SLC30A8: variants seen among roughly 807,000 people sequenced by gnomAD.
The protein encoded by SLC30A8 is solute carrier family 30 member 8.
A neutral mutation model predicts 36.9 loss-of-function variants in SLC30A8; 27 were observed. That is an observed-to-expected ratio of 0.73 (90% CI 0.54 to 1.01). The LOEUF (loss-of-function observed/expected upper bound fraction) is 1.01. Ranked by LOEUF, SLC30A8 falls within the 50% of genes least tolerant of loss-of-function variation. SLC30A8 has a pLI of 0.00. For synonymous variants in SLC30A8, 164 were observed against 172.4 expected (o/e 0.95, Z 0.38); for missense variants, 439 against 452.0 (o/e 0.97, Z 0.26).
intron 1 of SLC30A8, among the ~76,000 whole-genome samples, chr8:117,142,980 G>A (rs1011009730): frequency 6.6e-6 from 1 of 152,106 alleles, no homozygotes; most frequent in Non-Finnish European, 1.5e-5. Flanking sequence ...TCATGGTGAG[G>A]CTGAAGCTTT....
chr8:117,025,547 A>G lies in SLC30A8; in HGVS notation c.-265-13672A>G, dbSNP rs1243406608. Among the ~76,000 whole-genome samples the G allele has an allele frequency of 3.9e-5, 6 of 152,212 alleles. No individual in the cohort carries two copies. The South Asian group carries it at 6.2e-4, about 16-fold the overall frequency. Reference sequence around the variant, plus strand: ...AACTCCTAGTGAGTTAGGGACAATGACAGCGCTATTCTCCCTCCAGACAGC... The same window carrying G: ...AACTCCTAGTGAGTTAGGGACAATGGCAGCGCTATTCTCCCTCCAGACAGC... On this transcript the variant is annotated intron_variant, in intron 1 of 10. Coordinates refer to the SLC30A8 transcript ENST00000427715.
intron 1 of SLC30A8, among the ~76,000 whole-genome samples, chr8:117,038,191 G>T (rs1284907223): frequency 1.3e-5 from 2 of 152,104 alleles, no homozygotes; most frequent in African/African-American, 4.8e-5. Context: ...AATGATACAA[G>T]AAAGTTTACA....
At chr8:117,111,659 T>C (rs1820233328) in intron 2 of SLC30A8, among the ~76,000 whole-genome samples, 1 of 152,116 alleles carries the variant, frequency 6.6e-6, no homozygotes, top group Non-Finnish European at 1.5e-5. Context: ...AGGCACTGTC[T>C]TTCCACTGGC....
intron 2 of SLC30A8, among the ~76,000 whole-genome samples, chr8:117,127,286 C>T (rs1034314487): frequency 6.6e-6 from 1 of 152,060 alleles, no homozygotes; most frequent in Non-Finnish European, 1.5e-5. Context: ...TTTCACATTA[C>T]TTAATGTTTT....
At chr8:116,997,056 T>A (rs1815845718) in intron 1 of SLC30A8, among the ~76,000 whole-genome samples, 1 of 151,862 alleles carries the variant, frequency 6.6e-6, no homozygotes, top group African/African-American at 2.4e-5. Context: ...AAAGACAATA[T>A]GTGTAGTGTT....
Position 117,105,992 on chromosome 8 carries a change from C to T in SLC30A8, c.-225-29288C>T, listed in dbSNP as rs1819977010. Among the ~76,000 whole-genome samples the T allele has an allele frequency of 2.0e-5, 3 of 152,262 alleles. No individual in the cohort carries two copies. In the South Asian group the frequency reaches 6.2e-4, roughly 32 times the overall value. ...GTTTCTTTTCATTTTCAATGTACAT[C>T]ATACTTTGTCAGACTTTTTTTTCAG... On this transcript the variant is annotated intron_variant, in intron 2 of 10. Coordinates refer to the SLC30A8 transcript ENST00000427715.
intron 1 of SLC30A8, among the ~76,000 whole-genome samples, chr8:117,138,340 ATTAT>A (rs1821467652): frequency 2.6e-5 from 4 of 152,026 alleles, no homozygotes; most frequent in Admixed American, 2.6e-4. Flanking sequence ...AAAATTAATA[ATTAT>A]TTATTCAAGA....
chr8:117,027,838 C>T (rs1169663329), intron 1 of SLC30A8, among the ~76,000 whole-genome samples: 1 of 152,156 alleles, frequency 6.6e-6, no homozygotes, highest in Non-Finnish European at 1.5e-5. Flanking sequence ...AAAGGAGGGT[C>T]TTTGGAGTTA....
intron 2 of SLC30A8, among the ~76,000 whole-genome samples, chr8:117,047,772 G>GGA (rs1200765779): frequency 6.6e-6 from 1 of 152,170 alleles, no homozygotes; most frequent in Non-Finnish European, 1.5e-5. Context: ...CTAAGTCACA[G>GGA]GATGAGACAG....
At chr8:117,012,008 G>C (rs1347773006) in intron 1 of SLC30A8, among the ~76,000 whole-genome samples, 1 of 152,100 alleles carries the variant, frequency 6.6e-6, no homozygotes. Flanking sequence ...CTTGAGGATA[G>C]AAATTTTGTG....
At chr8:116,951,806 G>A (rs1052554124) in intron 1 of SLC30A8, among the ~76,000 whole-genome samples, 17 of 152,004 alleles carry the variant, frequency 1.1e-4, no homozygotes, top group African/African-American at 4.1e-4. Flanking sequence ...TATGTGTTGA[G>A]CATCAGTTTT....
intron 2 of SLC30A8, chr8:117,147,559 G>T: frequency 6.0e-6 from 1 of 167,568 alleles, no homozygotes; most frequent in Non-Finnish European, 1.3e-5. Flanking sequence ...GAAATTTAGG[G>T]AGTTTTTTCC....
At chr8:117,032,344 T>C (rs1817081188) in intron 1 of SLC30A8, among the ~76,000 whole-genome samples, 1 of 152,206 alleles carries the variant, frequency 6.6e-6, no homozygotes, top group South Asian at 2.1e-4. Flanking sequence ...CAGTTCACCA[T>C]GCTAGGCACA....
chr8:116,956,744 T>C (rs1814220524), intron 1 of SLC30A8, among the ~76,000 whole-genome samples: 1 of 152,236 alleles, frequency 6.6e-6, no homozygotes, highest in African/African-American at 2.4e-5. Flanking sequence ...GAGTTCTATT[T>C]TGAAACTTGA....
At chr8:117,142,216 C>T (rs1821686376) in intron 1 of SLC30A8, among the ~76,000 whole-genome samples, 1 of 152,110 alleles carries the variant, frequency 6.6e-6, no homozygotes, top group South Asian at 2.1e-4. Flanking sequence ...ATTAGCAAGT[C>T]CTATTGACTC....
intron 1 of SLC30A8, among the ~76,000 whole-genome samples, chr8:116,999,988 G>A (rs1250863346): frequency 6.6e-6 from 1 of 152,166 alleles, no homozygotes; most frequent in Admixed American, 6.5e-5. Flanking sequence ...ATGGCCCTGG[G>A]CATTTTAGTC....
At chr8:117,110,249 G>A (rs1427778929) in intron 2 of SLC30A8, among the ~76,000 whole-genome samples, 1 of 150,792 alleles carries the variant, frequency 6.6e-6, no homozygotes, top group Non-Finnish European at 1.5e-5. Flanking sequence ...TAGAGACTCA[G>A]CAACATTACT....
At chr8:116,952,673 T>C (rs1814035658) in intron 1 of SLC30A8, among the ~76,000 whole-genome samples, 1 of 152,182 alleles carries the variant, frequency 6.6e-6, no homozygotes, top group Non-Finnish European at 1.5e-5. Context: ...GCCAGGCTGG[T>C]TTTGAACTCC....
intron 2 of SLC30A8, among the ~76,000 whole-genome samples, chr8:117,126,552 A>ATCCT (rs1489366957): frequency 8.2e-6 from 1 of 121,288 alleles, no homozygotes; most frequent in Non-Finnish European, 2.0e-5. Flanking sequence ...CAACCCATCC[A>ATCCT]TCCATCCATC....
Sources: gnomAD v4.1 joint callset for allele counts (sites outside exome capture counted in the v4.1 genomes callset) on GRCh38, gnomAD v4.1.1 for gene constraint, MANE v1.5 for transcripts, NCBI Gene and HGNC (gene_info 2026-07-23, HGNC 2026-07-21) for gene names.